Variants in IMPDH1 observed in about 807,000 individuals in gnomAD.
IMPDH1 encodes the protein inosine monophosphate dehydrogenase 1.
A neutral mutation model predicts 73.5 loss-of-function variants in IMPDH1; 41 were observed. That is an observed-to-expected ratio of 0.56 (90% CI 0.43 to 0.72). The LOEUF (loss-of-function observed/expected upper bound fraction) is 0.72, where lower values mean the gene tolerates loss of function less well. IMPDH1 is among the 30% of genes least tolerant of loss of function. The probability of loss-of-function intolerance (pLI) is 0.00; values close to 1 mark genes in which losing one functional copy is unlikely to be tolerated. For synonymous variants in IMPDH1, 318 were observed against 334.3 expected, an observed-to-expected ratio of 0.95 and a Z score of 0.53; for missense variants, 645 against 824.8, an observed-to-expected ratio of 0.78 and a Z score of 2.67.
At chr7:128,397,737 A>C (rs1229590824) in intron 10 of IMPDH1, among the ~76,000 whole-genome samples, 3 of 149,932 alleles carry the variant, frequency 2.0e-5, no homozygotes, top group African/African-American at 4.8e-5. Flanking sequence ...ACAATTTGTC[A>C]ATTTTTTTTT....
Position 128,396,706 on chromosome 7 carries a change from G to A in IMPDH1, c.1166-11C>T, listed in dbSNP as rs1295476490. 1 of 1,548,376 alleles carries A rather than the reference G, an allele frequency of 6.5e-7. No individual in the cohort carries two copies. Among genetic ancestry groups the A allele is most frequent in the South Asian group, 1.2e-5 (1 of 84,126 alleles). ...GGGCTGCTGTCACCACTGGGGGTGG[G>A]GATGGGGCAGAGGAACAATGTGAGG... is the stretch of plus-strand genomic sequence containing the variant. On this transcript the variant is annotated splice_polypyrimidine_tract_variant and intron_variant, in intron 11 of 16. Coordinates refer to ENST00000338791, the MANE Select transcript of IMPDH1 (RefSeq NM_000883.4). This position sits in a 1 kb window ranked among gnomAD's most constrained non-coding sequence, Gnocchi z 4.0.
At position 128,400,156 on chromosome 7, in the gene IMPDH1, C is replaced by A. The variant is rs758238094; in HGVS notation, c.813G>T (p.Val271=). The A allele has an allele frequency of 5.0e-6, 8 of 1,614,002 alleles. No homozygotes were observed. In the African/African-American group the frequency reaches 9.3e-5, roughly 19 times the overall value. The change falls in exon 9 of 17, where the codon GTG becomes GTT. Residue 271 remains valine, a synonymous_variant. Transcript: ENST00000338791. ...SEVMTPRIEL[V]VAPAGVTLKE... ...TCAACGTCACACCTGCTGGAGCCACCACCAGTTCAATCCTTGGCGTCATCA... is the reference window on the plus strand; with the variant it reads ...TCAACGTCACACCTGCTGGAGCCACAACCAGTTCAATCCTTGGCGTCATCA...
chr7:128,405,342 G>C (rs1340820815), intron 4 of IMPDH1, among the ~76,000 whole-genome samples: 2 of 152,190 alleles, frequency 1.3e-5, no homozygotes, highest in Admixed American at 6.5e-5. Context: ...CAACCACCTG[G>C]CTGGGCCTCT....
intron 3 of IMPDH1, among the ~76,000 whole-genome samples, chr7:128,406,206 G>C (rs1456194618): frequency 6.6e-6 from 1 of 150,738 alleles, no homozygotes; most frequent in Non-Finnish European, 1.5e-5. Context: ...GGCTGCGGGG[G>C]AGAGTACCGG....
chr7:128,392,986 C>T lies in IMPDH1; in HGVS notation c.*21G>A. On this transcript the variant is annotated 3_prime_UTR_variant, in exon 17 of 17. Coordinates refer to ENST00000338791, the MANE Select transcript of IMPDH1 (RefSeq NM_000883.4). ...ACACTGGGGTGCATCCCCTCCACCA[C>T]CTCGGCCTCCACCGCTGTCCTCAGT... is the stretch of plus-strand genomic sequence containing the variant. 1.2e-6 allele frequency: 2 copies of T among 1,613,674 alleles called. No homozygotes were observed. Among genetic ancestry groups the T allele is most frequent in the South Asian group, 1.1e-5 (1 of 91,076 alleles).
intron 4 of IMPDH1, 126 bp from the exon 5 acceptor site, chr7:128,403,880 C>CA: frequency 1.2e-6 from 1 of 808,036 alleles, no homozygotes; most frequent in Non-Finnish European, 2.1e-6. Flanking sequence ...TACAGCCCCC[C>CA]ATCCCTACTG....
Position 128,400,613 on chromosome 7 carries a change from G to C in IMPDH1, c.580-74C>G, listed in dbSNP as rs1262282337. The C allele has an allele frequency of 4.2e-6, 6 of 1,442,340 alleles. No homozygotes were observed. The Admixed American group carries it at 9.2e-5, about 22-fold the overall frequency. 89.3% of individuals were successfully genotyped at this position (1,442,340 alleles called of 1,614,324 possible). On this transcript the variant is annotated intron_variant, in intron 7 of 16. Coordinates refer to ENST00000338791, the MANE Select transcript of IMPDH1 (RefSeq NM_000883.4). Reference sequence around the variant, plus strand: ...ATGTCCAGGCTGGCCACAGGGAACAGAGGATGCAGCTGTGCTGCAGAGAAG... The same window carrying C: ...ATGTCCAGGCTGGCCACAGGGAACACAGGATGCAGCTGTGCTGCAGAGAAG...
At position 128,392,907 on chromosome 7, in the gene IMPDH1, T is replaced by C. The variant is rs1398689207; in HGVS notation, c.*100A>G. ...GCCTGGAAAGGAGCTGGAGAACCCG[T>C]AGTGCAAATCTGTGGACCACTCAGT... On this transcript the variant is annotated 3_prime_UTR_variant, in exon 17 of 17. Transcript: ENST00000338791. The C allele has an allele frequency of 3.0e-5, 35 of 1,177,468 alleles. No individual in the cohort carries two copies. The highest frequency in any genetic ancestry group is 4.8e-4 in the Middle Eastern group (2 of 4,202). The allele number at this position is 1,177,468 out of a possible 1,614,324, so 72.9% of individuals were successfully genotyped here.
rs1490056446 is a variant in IMPDH1 at position 128,400,836 on chromosome 7, T to C, written c.560A>G (p.Asn187Ser). 1 of 1,614,048 alleles carries C rather than the reference T, an allele frequency of 6.2e-7. No homozygotes were observed. The highest frequency in any genetic ancestry group is 8.5e-7 in the Non-Finnish European group (1 of 1,179,988). The stretch of plus-strand genomic sequence containing the variant: ...ACTTGCCTTGACCTTCCGCACCTCG[T>C]TGGCCTGGAACTCTGGGGTGCAGTT... ...HHNCTPEFQA[N>S]EVRKVKKFEQ... Residue 187 changes from asparagine (N) to serine (S), a missense_variant, in exon 7 of 17, where the codon AAC becomes AGC. Transcript: ENST00000338791.
Position 128,396,528 on chromosome 7 carries a change from C to T in IMPDH1, c.1261+72G>A, listed in dbSNP as rs1797924362. On this transcript the variant is annotated intron_variant, in intron 12 of 16. Transcript: ENST00000338791. This position sits in a 1 kb window ranked among gnomAD's most constrained non-coding sequence, Gnocchi z 4.0. Reference sequence around the variant, plus strand: ...AGAACAGGGCCTGGCAGAGAGAGTACTTGATATACATCTGGGGAACAAAGG... The same window carrying T: ...AGAACAGGGCCTGGCAGAGAGAGTATTTGATATACATCTGGGGAACAAAGG... The T allele has an allele frequency of 2.6e-6, 3 of 1,165,434 alleles. No homozygotes were observed. Among genetic ancestry groups the T allele is most frequent in the South Asian group, 2.6e-5 (2 of 76,492 alleles). 72.2% of individuals were successfully genotyped at this position (1,165,434 alleles called of 1,614,324 possible).
At chr7:128,404,963 G>C (rs960250874) in intron 4 of IMPDH1, among the ~76,000 whole-genome samples, 7 of 152,186 alleles carry the variant, frequency 4.6e-5, no homozygotes, top group African/African-American at 1.7e-4. Flanking sequence ...GGCCAAGCAG[G>C]AGTGCTTACA....
chr7:128,404,407 G>C (rs1339486817), intron 4 of IMPDH1, among the ~76,000 whole-genome samples: 1 of 152,204 alleles, frequency 6.6e-6, no homozygotes, highest in East Asian at 1.9e-4. Flanking sequence ...ACCAACACTA[G>C]GGTGGGCCAC....
intron 9 of IMPDH1, 145 bp downstream of exon 9, chr7:128,399,950 T>A (rs1798198333): frequency 6.5e-6 from 5 of 764,438 alleles, no homozygotes; most frequent in Non-Finnish European, 1.2e-5. Context: ...TGGCAGGAGT[T>A]GTGCTCTGGC....
intron 16 of IMPDH1, chr7:128,393,572 G>A (rs1483564984): frequency 4.3e-5 from 8 of 185,928 alleles, no homozygotes; most frequent in South Asian, 3.3e-4. Flanking sequence ...TTAGGGGGCC[G>A]GGGGGGCCCA....
At chr7:128,405,994 G>A (rs1359248963) in intron 3 of IMPDH1, 129 bp from the exon 4 acceptor site, 11 of 626,642 alleles carry the variant, frequency 1.8e-5, no homozygotes, top group East Asian at 2.8e-4. Flanking sequence ...CGGGCCGGGG[G>A]CGGGGGCGGG....
chr7:128,398,220 G>C lies in IMPDH1; in HGVS notation c.1074+194C>G, dbSNP rs1398881640. On this transcript the variant is annotated intron_variant, in intron 10 of 16. Coordinates refer to ENST00000338791, the MANE Select transcript of IMPDH1 (RefSeq NM_000883.4). The surrounding 1 kb of genome is among the most constrained non-coding windows in gnomAD (Gnocchi z 4.3). ...CAGTGGCACGATCCTAGCTCACTGT[G>C]ACCTTGAACCTCTGAGCTCAGGCAA... 6.6e-6 allele frequency among the ~76,000 whole-genome samples: 1 copy of C among 152,168 alleles called. No individual in the cohort carries two copies. Among genetic ancestry groups the C allele is most frequent in the Non-Finnish European group, 1.5e-5 (1 of 68,036 alleles).
intron 3 of IMPDH1, among the ~76,000 whole-genome samples, chr7:128,408,596 G>C (rs1473537283): frequency 6.6e-6 from 1 of 152,084 alleles, no homozygotes; most frequent in African/African-American, 2.4e-5. Context: ...TGGGGGTAGG[G>C]ATGGCCCCTT....
rs916045536 is a variant in IMPDH1, at chr7:128,392,659, TGCCCTACAG to T, written c.*339_*347del. On this transcript the variant is annotated 3_prime_UTR_variant, in exon 17 of 17. Transcript: ENST00000338791. ...TCCTGGGAGGCTAGGGGCAGGGAGG[TGCCCTACAG>T]GAGAAGCCAGGAGGGGCCGCCTGCC... The T allele has an allele frequency of 2.0e-4, 62 of 304,312 alleles. No homozygotes were observed. Among genetic ancestry groups the T allele is most frequent in the African/African-American group, 9.6e-4 (44 of 45,976 alleles). The allele number at this position is 304,312 out of a possible 1,614,324, so 18.9% of individuals were successfully genotyped here.
rs1049115605 is a variant in IMPDH1, at chr7:128,396,388, G to A, written c.1261+212C>T. Among the ~76,000 whole-genome samples, 5 of 152,268 alleles carry A rather than the reference G, an allele frequency of 3.3e-5. No homozygotes were observed. The highest frequency in any genetic ancestry group is 3.4e-3 in the Middle Eastern group (1 of 294). ...AGCCCCAGGCAGAGCCCCCTTGACC[G>A]CACTCTGAGAAGCAGGCTGCAGCTC... On this transcript the variant is annotated intron_variant, in intron 12 of 16. Coordinates refer to ENST00000338791, the MANE Select transcript of IMPDH1 (RefSeq NM_000883.4). The surrounding 1 kb of genome is among the most constrained non-coding windows in gnomAD (Gnocchi z 4.0).
Sources: gnomAD v4.1 joint callset for allele counts (sites outside exome capture counted in the v4.1 genomes callset) on GRCh38, gnomAD v4.1.1 for gene constraint, Gnocchi (gnomAD v3.1) non-coding constraint, MANE v1.5 for transcripts, NCBI Gene and HGNC (gene_info 2026-07-23, HGNC 2026-07-21) for gene names.